Variants in SLC9A8 observed in about 807,000 individuals in gnomAD.
The protein encoded by SLC9A8 is solute carrier family 9 member A8.
Under a neutral mutation model 66.6 loss-of-function variants are expected in SLC9A8, and 48 were observed. That is an observed-to-expected ratio of 0.72 (90% CI 0.57 to 0.92). The LOEUF (loss-of-function observed/expected upper bound fraction) is 0.92, where lower values mean the gene tolerates loss of function less well. SLC9A8 is among the 40% of genes least tolerant of loss of function. The pLI is 0.00. For missense variants in SLC9A8, 599 were observed against 747.3 expected (o/e 0.80, Z 2.31); for synonymous variants, 274 against 282.6 (o/e 0.97, Z 0.31).
chr20:49,820,591 G>T (rs1455481740), intron 2 of SLC9A8, among the ~76,000 whole-genome samples: 1 of 151,966 alleles, frequency 6.6e-6, no homozygotes, highest in Non-Finnish European at 1.5e-5. Context: ...CTGTCTCCCA[G>T]GCTAGAGTGC....
intron 2 of SLC9A8, among the ~76,000 whole-genome samples, chr20:49,822,187 G>A (rs1489407264): frequency 1.3e-5 from 2 of 152,164 alleles, no homozygotes; most frequent in African/African-American, 4.8e-5. Context: ...CCCAGCTGGG[G>A]AGCAGGAGTG....
At chr20:49,879,011 G>A (rs1346655920) in intron 12 of SLC9A8, among the ~76,000 whole-genome samples, 6 of 151,606 alleles carry the variant, frequency 4.0e-5, no homozygotes, top group Admixed American at 6.6e-5. Context: ...CAAAAAGAGC[G>A]AAAGTCCATC....
At position 49,864,708 on chromosome 20, in the gene SLC9A8, C is replaced by T. The variant is rs146050863; in HGVS notation, c.853-31C>T. On this transcript the variant is annotated intron_variant, in intron 9 of 15. Coordinates refer to ENST00000361573, the MANE Select transcript of SLC9A8 (RefSeq NM_015266.3). Reference sequence around the variant, plus strand: ...TCCACATCTCCCATCAACTCTCCCTCGATTCTCCTTCCTTGACAGTTGTCA... The same window carrying T: ...TCCACATCTCCCATCAACTCTCCCTTGATTCTCCTTCCTTGACAGTTGTCA... The T allele has an allele frequency of 4.5e-5, 68 of 1,521,094 alleles. No individual in the cohort carries two copies. The East Asian group carries it at 1.0e-3, about 23-fold the overall frequency. The allele number at this position is 1,521,094 out of a possible 1,614,324, so 94.2% of individuals were successfully genotyped here.
intron 10 of SLC9A8, among the ~76,000 whole-genome samples, chr20:49,866,300 T>C (rs538834140): frequency 2.0e-5 from 3 of 152,248 alleles, no homozygotes; most frequent in African/African-American, 7.2e-5. Flanking sequence ...TGTCTGTTCA[T>C]CATTTGAAGG....
chr20:49,830,295 C>T, intron 3 of SLC9A8: 2 of 1,140,880 alleles, frequency 1.8e-6, no homozygotes, highest in Middle Eastern at 2.0e-4. Context: ...AAAAATGGGT[C>T]ACACAGTGAC....
intron 8 of SLC9A8, among the ~76,000 whole-genome samples, chr20:49,856,592 C>T (rs1301598323): frequency 8.5e-5 from 13 of 152,154 alleles, no homozygotes; most frequent in East Asian, 1.9e-4. Flanking sequence ...AAGGCCAAGG[C>T]GGGTGGATCA....
intron 5 of SLC9A8, among the ~76,000 whole-genome samples, chr20:49,845,587 C>T (rs1282362037): frequency 6.6e-6 from 1 of 152,144 alleles, no homozygotes; most frequent in African/African-American, 2.4e-5. Context: ...CGGTGCCCTC[C>T]CCTGGCCTCA....
chr20:49,888,883 G>C lies in SLC9A8; in HGVS notation c.*947G>C, dbSNP rs1249476186. ...TCTGCTCACTGCTGCCATCTTCGCT[G>C]CTAGTCAGGGTTCCATCCTCTTTCC... On this transcript the variant is annotated 3_prime_UTR_variant, in exon 16 of 16. Transcript: ENST00000361573. 6.6e-6 allele frequency: 1 copy of C among 152,468 alleles called. No individual in the cohort carries two copies. The highest frequency in any genetic ancestry group is 2.4e-5 in the African/African-American group (1 of 41,448). 9.4% of individuals were successfully genotyped at this position (152,468 alleles called of 1,614,324 possible).
intron 3 of SLC9A8, chr20:49,830,049 G>C: frequency 1.4e-6 from 1 of 690,696 alleles, no homozygotes; most frequent in South Asian, 1.4e-5. Context: ...CAGCCGACCA[G>C]AAGCGAGCCT....
intron 3 of SLC9A8, among the ~76,000 whole-genome samples, chr20:49,824,389 T>C (rs1023906905): frequency 6.6e-6 from 1 of 152,250 alleles, no homozygotes; most frequent in East Asian, 1.9e-4. Context: ...CATTCCTTTC[T>C]GCTATTAGGC....
At chr20:49,819,301 C>A (rs1016806560) in intron 2 of SLC9A8, among the ~76,000 whole-genome samples, 3 of 152,190 alleles carry the variant, frequency 2.0e-5, no homozygotes, top group Non-Finnish European at 4.4e-5. Context: ...CCCTCCATAC[C>A]ACACAGAAGT....
chr20:49,815,304 C>T lies in SLC9A8; in HGVS notation c.208+115C>T, dbSNP rs1371852562. On this transcript the variant is annotated intron_variant, in intron 2 of 15. Transcript: ENST00000361573. ...TCAAGTCTTCCTCCCATTTGGTTTT[C>T]ATATCAAACACTGAGGGAACATGAT... 1.3e-5 allele frequency: 10 copies of T among 795,540 alleles called. No individual in the cohort carries two copies. The South Asian group carries it at 2.1e-4, about 17-fold the overall frequency. 49.3% of individuals were successfully genotyped at this position (795,540 alleles called of 1,614,324 possible). A position where few individuals can be genotyped will look rare whatever the true frequency, so the allele number is the denominator to read the frequency against.
chr20:49,816,027 C>T (rs2086536447), intron 2 of SLC9A8, among the ~76,000 whole-genome samples: 1 of 152,206 alleles, frequency 6.6e-6, no homozygotes, highest in Non-Finnish European at 1.5e-5. Context: ...CTCTGTCATT[C>T]TCATTAACCA....
chr20:49,836,497 T>G (rs2087541850), intron 3 of SLC9A8, among the ~76,000 whole-genome samples: 1 of 152,024 alleles, frequency 6.6e-6, no homozygotes, highest in South Asian at 2.1e-4. Flanking sequence ...GCGCAGATAA[T>G]TTTTGTATTT....
At chr20:49,824,268 G>C (rs2086842246) in intron 3 of SLC9A8, among the ~76,000 whole-genome samples, 1 of 152,196 alleles carries the variant, frequency 6.6e-6, no homozygotes, top group Admixed American at 6.5e-5. Context: ...TACTCAAAAA[G>C]TTCTTGTTCT....
At chr20:49,851,261 C>A (rs866949019) in intron 7 of SLC9A8, among the ~76,000 whole-genome samples, 5 of 152,254 alleles carry the variant, frequency 3.3e-5, no homozygotes, top group Non-Finnish European at 7.4e-5. Context: ...TCCCACGAAG[C>A]CTGTGGTGGG....
intron 5 of SLC9A8, among the ~76,000 whole-genome samples, chr20:49,847,864 A>G (rs1400636632): frequency 1.3e-5 from 2 of 151,320 alleles, no homozygotes; most frequent in African/African-American, 2.4e-5. Flanking sequence ...TATAAATTAT[A>G]TCAACATTAG....
At chr20:49,884,229 C>CACACG (rs2089752554) in intron 14 of SLC9A8, 163 bp downstream of exon 14, 4 of 222,640 alleles carry the variant, frequency 1.8e-5, no homozygotes, top group East Asian at 1.4e-4. Context: ...CACACACACA[C>CACACG]ACACACACAC....
intron 3 of SLC9A8, among the ~76,000 whole-genome samples, chr20:49,834,181 CTCTCTATATATATATA>C (rs1249338947): frequency 1.6e-3 from 75 of 46,150 alleles, no homozygotes; most frequent in Non-Finnish European, 2.1e-3. Context: ...CTCTCTCTCT[CTCTCTATATATATATA>C]TATATATATA....
Sources: gnomAD v4.1 joint callset for allele counts (sites outside exome capture counted in the v4.1 genomes callset) on GRCh38, gnomAD v4.1.1 for gene constraint, MANE v1.5 for transcripts, NCBI Gene and HGNC (gene_info 2026-07-23, HGNC 2026-07-21) for gene names.